FANCD2: variants seen among roughly 807,000 people sequenced by gnomAD.
FANCD2 encodes the protein Fanconi anemia group D2 protein.
A neutral mutation model predicts 192.3 loss-of-function variants in FANCD2; 131 were observed. The ratio of observed to expected loss-of-function variants is 0.68; its 90% CI spans 0.59 to 0.79. The LOEUF (loss-of-function observed/expected upper bound fraction) is 0.79, where lower values mean the gene tolerates loss of function less well. FANCD2 is among the 30% of genes least tolerant of loss of function. The pLI, the probability that FANCD2 is intolerant of heterozygous loss-of-function variation, is 0.00. For missense variants in FANCD2, 1,508 were observed against 1,701.6 expected (o/e 0.89, Z 2.00); for synonymous variants, 524 against 612.5 (o/e 0.86, Z 2.13).
rs34691009 is a variant in FANCD2 at position 10,032,865 on chromosome 3, A to G, written c.98A>G (p.Lys33Arg). The G allele has an allele frequency of 6.2e-7, 1 of 1,613,222 alleles. No individual in the cohort carries two copies. The highest frequency in any genetic ancestry group is 8.5e-7 in the Non-Finnish European group (1 of 1,179,382). The change falls in exon 3 of 44, where the codon AAG becomes AGG. Residue 33 changes from lysine to arginine, a missense_variant. Physicochemically the swap from Lys to Arg is conservative, Grantham distance 26. Transcript: ENST00000675286. The part of the protein sequence containing the change: ...TRKQPLSKKT[K>R]KSHIANEVEE... ...AAGCAACCACTTTCCAAAAAGACAA[A>G]GAAATCTCATATTGCTAATGAAGTT... is the stretch of plus-strand genomic sequence containing the variant.
Position 10,039,286 on chromosome 3 carries a change from A to G in FANCD2, c.499A>G (p.Ser167Gly). The change falls in exon 8 of 44, where the codon AGT becomes GGT. Residue 167 changes from serine (S) to glycine (G), a missense_variant. Physicochemically the swap from Ser to Gly is moderately conservative, Grantham distance 56. Coordinates refer to ENST00000675286, the MANE Select transcript of FANCD2 (RefSeq NM_001018115.3). ...LPEYFFENKNSDEINIPRLIV... is the reference protein window; with the variant it reads ...LPEYFFENKNGDEINIPRLIV... ...CTCTTCCTAACATTTTAGCAAGAAC[A>G]GTGATGAAATCAACATACCTCGACT... The G allele has an allele frequency of 1.2e-6, 2 of 1,613,194 alleles. No homozygotes were observed. The highest frequency in any genetic ancestry group is 1.3e-5 in the African/African-American group (1 of 75,048).
At chr3:10,070,021 G>C (rs1386259489) in intron 26 of FANCD2, among the ~76,000 whole-genome samples, 3 of 150,534 alleles carry the variant, frequency 2.0e-5, no homozygotes, top group Admixed American at 6.6e-5. Context: ...AGTGAGGAGC[G>C]TCTCTGCCCG....
intron 37 of FANCD2, among the ~76,000 whole-genome samples, chr3:10,090,812 TG>T (rs1694559316): frequency 6.6e-6 from 1 of 151,558 alleles, no homozygotes; most frequent in South Asian, 2.1e-4. Context: ...AGCTGTTTTT[TG>T]TTTTTGTTTT....
intron 16 of FANCD2, among the ~76,000 whole-genome samples, chr3:10,049,145 G>C (rs1461731234): frequency 6.6e-6 from 1 of 151,826 alleles, no homozygotes; most frequent in Non-Finnish European, 1.5e-5. Flanking sequence ...CTTAGGTAGA[G>C]CTCACTGATA....
rs776304865 is a variant in FANCD2 at position 10,081,122 on chromosome 3, G to A, written c.2999G>A (p.Gly1000Glu). ...FLKNKGSRNIGFSHLQQRSAQ... is the reference protein window; with the variant it reads ...FLKNKGSRNIEFSHLQQRSAQ... ...TAGAACAAAGGAAGCCGGAATATTGGATTCTCACATCTCCAACAGAGATCT... is the reference window on the plus strand; with the variant it reads ...TAGAACAAAGGAAGCCGGAATATTGAATTCTCACATCTCCAACAGAGATCT... The change falls in exon 31 of 44, where the codon GGA becomes GAA. Residue 1000 changes from glycine to glutamate, a missense_variant. By Grantham distance (98) the Gly-to-Glu change is moderately conservative (BLOSUM62 -2). Transcript: ENST00000675286. The A allele has an allele frequency of 1.2e-5, 20 of 1,614,108 alleles. No homozygotes were observed. Among genetic ancestry groups the A allele is most frequent in the Non-Finnish European group, 1.4e-5 (17 of 1,180,026 alleles).
chr3:10,032,741 C>T (rs1197471738), intron 2 of FANCD2, 91 bp from the exon 3 acceptor site: 3 of 1,104,682 alleles, frequency 2.7e-6, no homozygotes, highest in Non-Finnish European at 4.1e-6. Flanking sequence ...AAGGACACAT[C>T]AGTTTTCCTC....
intron 18 of FANCD2, among the ~76,000 whole-genome samples, chr3:10,053,540 AAAAT>A (rs2087283736): frequency 1.0e-5 from 1 of 98,208 alleles, no homozygotes; most frequent in African/African-American, 5.2e-5. Context: ...TAATAAAAAT[AAAAT>A]AAAATAGAAT....
chr3:10,086,865 G>A (rs574416410), intron 33 of FANCD2, among the ~76,000 whole-genome samples: 3 of 152,254 alleles, frequency 2.0e-5, no homozygotes, highest in Non-Finnish European at 2.9e-5. Context: ...ACATATTAGC[G>A]TGGTGCTTGG....
At chr3:10,085,954 T>A in intron 33 of FANCD2, 32 bp downstream of exon 33, 1 of 1,458,766 alleles carries the variant, frequency 6.9e-7, no homozygotes, top group Non-Finnish European at 9.6e-7. Context: ...AAGATTGTTG[T>A]CCCAAGAAAC....
At chr3:10,054,423 AT>A in intron 18 of FANCD2, among the ~76,000 whole-genome samples, 1 of 80,462 alleles carries the variant, frequency 1.2e-5, no homozygotes, top group East Asian at 2.4e-4. Context: ...ATATACATAT[AT>A]ACATGTATAT....
rs1283807121 is a variant in FANCD2, at chr3:10,073,355, T to G, written c.2708T>G (p.Leu903Arg). The change falls in exon 28 of 44, where the codon CTA becomes CGA. Residue 903 changes from leucine to arginine, a missense_variant. Leu to Arg is a moderately radical substitution (Grantham distance 102, BLOSUM62 -2). Transcript: ENST00000675286. Reference protein sequence around the residue: ...CDPTPSHRGQLNKEFTGKEEK... With the variant: ...CDPTPSHRGQRNKEFTGKEEK... ...CCTACGCCATCTCATAGAGGCCAGCTAAACAAGGTATTGGAATGATGGGTA... is the reference window on the plus strand; with the variant it reads ...CCTACGCCATCTCATAGAGGCCAGCGAAACAAGGTATTGGAATGATGGGTA... 6.2e-7 allele frequency: 1 copy of G among 1,607,660 alleles called. No homozygotes were observed. The highest frequency in any genetic ancestry group is 1.3e-5 in the African/African-American group (1 of 74,890).
At position 10,079,542 on chromosome 3, in the gene FANCD2, GATCCGCCCACCTCGGCCTCCCA is replaced by G. The variant is rs920533541; in HGVS notation, c.2976+1369_2976+1390del. 4.3e-4 allele frequency among the ~76,000 whole-genome samples: 66 copies of G among 152,186 alleles called. 1 individual carries two copies. The East Asian group carries it at 9.7e-3, about 22-fold the overall frequency. ...GCTGATCTCGAACTCCTGACCTCAT[GATCCGCCCACCTCGGCCTCCCA>G]ATCCGCCCACCTCGGCCTCCCAAAG... On this transcript the variant is annotated intron_variant, in intron 30 of 43. Coordinates refer to ENST00000675286, the MANE Select transcript of FANCD2 (RefSeq NM_001018115.3).
At chr3:10,062,745 CTG>C (rs887844987) in intron 20 of FANCD2, among the ~76,000 whole-genome samples, 2 of 151,980 alleles carry the variant, frequency 1.3e-5, no homozygotes, top group Admixed American at 1.3e-4. Context: ...AGTCTCAACT[CTG>C]TCGCCAAGGC....
rs772038476 is a variant in FANCD2 at position 10,072,953 on chromosome 3, A to C, written c.2577A>C (p.Ser859=). 1.9e-6 allele frequency: 3 copies of C among 1,602,384 alleles called. No homozygotes were observed. Among genetic ancestry groups the C allele is most frequent in the Non-Finnish European group, 2.6e-6 (3 of 1,169,342 alleles). The change falls in exon 27 of 44, where the codon TCA becomes TCC. Residue 859 remains serine (S), a synonymous_variant. Transcript: ENST00000675286. The part of the protein sequence containing the change: ...DITPHTVTAI[S]AKIRKKGKIE... ...CACCTCATACTGTTACTGCTATTTC[A>C]GCAAAAATCAGAAAGAAAGGAAAAA... is the stretch of plus-strand genomic sequence containing the variant.
intron 29 of FANCD2, among the ~76,000 whole-genome samples, chr3:10,075,627 C>T (rs1264582939): frequency 6.6e-6 from 1 of 151,582 alleles, no homozygotes; most frequent in Non-Finnish European, 1.5e-5. Flanking sequence ...GGGATTTCAT[C>T]AGAGAGTAGA....
chr3:10,066,714 G>A (rs2087728489), intron 25 of FANCD2, among the ~76,000 whole-genome samples: 1 of 152,066 alleles, frequency 6.6e-6, no homozygotes, highest in African/African-American at 2.4e-5. Flanking sequence ...AGGGTCACAA[G>A]CCTAATCTCC....
In FANCD2 at chr3:10,046,436, G is replaced by T. The variant is rs1186288460; in HGVS notation, c.1135-144G>T. On this transcript the variant is annotated intron_variant, in intron 14 of 43. Transcript: ENST00000675286. The stretch of plus-strand genomic sequence containing the variant: ...AAAATATTTCTGAGTTTTGTGAAAA[G>T]TGTAGATACTCCCAGGGGAGTGTGT... 10 of 1,362,968 alleles carry T rather than the reference G, an allele frequency of 7.3e-6. No homozygotes were observed. In the Admixed American group the frequency reaches 1.3e-4, roughly 18 times the overall value. The allele number at this position is 1,362,968 out of a possible 1,614,324, so 84.4% of individuals were successfully genotyped here.
intron 26 of FANCD2, among the ~76,000 whole-genome samples, chr3:10,071,108 C>T (rs1427374616): frequency 7.9e-6 from 1 of 127,216 alleles, no homozygotes; most frequent in Non-Finnish European, 1.6e-5. Context: ...CTGCGAGAAA[C>T]ACCCAAGAAT....
At chr3:10,081,932 A>C (rs1375159361) in intron 32 of FANCD2, among the ~76,000 whole-genome samples, 1 of 152,176 alleles carries the variant, frequency 6.6e-6, no homozygotes. Flanking sequence ...GTGCCCCTTA[A>C]ATACTTTTGT....
Sources: gnomAD v4.1 joint callset for allele counts (sites outside exome capture counted in the v4.1 genomes callset) on GRCh38, gnomAD v4.1.1 for gene constraint, MANE v1.5 for transcripts, NCBI Gene and HGNC (gene_info 2026-07-23, HGNC 2026-07-21) for gene names.